The following SPOCK3 variants were observed in gnomAD, a reference collection of about 807,000 sequenced individuals.
The protein encoded by SPOCK3 is SPARC (osteonectin), cwcv and kazal like domains proteoglycan 3.
A neutral mutation model predicts 56.6 loss-of-function variants in SPOCK3; 30 were observed. That is an observed-to-expected ratio of 0.53 (90% CI 0.40 to 0.72). The LOEUF is 0.72. SPOCK3 is among the 30% of genes least tolerant of loss of function. The pLI is 0.00. For synonymous variants in SPOCK3, 196 were observed against 183.3 expected (o/e 1.07, Z -0.56); for missense variants, 527 against 530.0 (o/e 0.99, Z 0.06).
At chr4:167,076,058 G>A (rs1473083354) in intron 2 of SPOCK3, among the ~76,000 whole-genome samples, 1 of 151,912 alleles carries the variant, frequency 6.6e-6, no homozygotes, top group Non-Finnish European at 1.5e-5. Flanking sequence ...TATGAAGGCT[G>A]TATACTGTAT....
intron 2 of SPOCK3, among the ~76,000 whole-genome samples, chr4:167,123,664 C>T (rs1220518799): frequency 6.6e-6 from 1 of 151,738 alleles, no homozygotes; most frequent in Non-Finnish European, 1.5e-5. Flanking sequence ...TGTCTGCAGA[C>T]TACAGTACTC....
chr4:166,816,587 T>C (rs1228016620), intron 6 of SPOCK3, among the ~76,000 whole-genome samples: 1 of 152,074 alleles, frequency 6.6e-6, no homozygotes, highest in Non-Finnish European at 1.5e-5. Flanking sequence ...AGACACATAA[T>C]ATCACTGTGT....
intron 6 of SPOCK3, among the ~76,000 whole-genome samples, chr4:166,795,158 T>A (rs1375801902): frequency 6.6e-6 from 1 of 152,198 alleles, no homozygotes. Context: ...GCTTCTTTTA[T>A]AACACCATCA....
At chr4:167,117,275 C>T (rs953406142) in intron 2 of SPOCK3, among the ~76,000 whole-genome samples, 3 of 152,074 alleles carry the variant, frequency 2.0e-5, no homozygotes, top group African/African-American at 7.2e-5. Flanking sequence ...ACAATTTAAA[C>T]TGCCACTTGT....
At chr4:167,117,148 C>T (rs1761495927) in intron 2 of SPOCK3, among the ~76,000 whole-genome samples, 1 of 151,634 alleles carries the variant, frequency 6.6e-6, no homozygotes, top group Non-Finnish European at 1.5e-5. Flanking sequence ...CAAATTTGAT[C>T]ATTACACATT....
At chr4:167,119,547 C>T (rs1761699150) in intron 2 of SPOCK3, among the ~76,000 whole-genome samples, 1 of 152,100 alleles carries the variant, frequency 6.6e-6, no homozygotes, top group Non-Finnish European at 1.5e-5. Context: ...ACAAAATACT[C>T]ATCTCCAAAG....
At chr4:167,234,251 G>A (rs1346073030) in intron 1 of SPOCK3, 78 bp from the exon 2 acceptor site, 2 of 1,455,904 alleles carry the variant, frequency 1.4e-6, no homozygotes, top group East Asian at 2.3e-5. Flanking sequence ...AGCGACCCTG[G>A]AAAACATGCA....
At position 166,895,098 on chromosome 4, in the gene SPOCK3, G is replaced by C. The variant is rs6553317; in HGVS notation, c.475-5854C>G. Among the ~76,000 whole-genome samples the C allele has an allele frequency of 2.7e-3, 406 of 151,996 alleles. 10 individuals are homozygous for C. In the East Asian group the frequency reaches 0.061, roughly 23 times the overall value. On this transcript the variant is annotated intron_variant, in intron 5 of 10. Transcript: ENST00000357545. ...GTCATTCAAATCAAAATTCTTGTTT[G>C]AATTATTCCAGATTAATGTTGCTTT...
At chr4:167,118,179 T>C (rs1761586581) in intron 2 of SPOCK3, among the ~76,000 whole-genome samples, 1 of 152,178 alleles carries the variant, frequency 6.6e-6, no homozygotes, top group Non-Finnish European at 1.5e-5. Context: ...TTGAATGTGA[T>C]GTTTCTTTCT....
intron 3 of SPOCK3, among the ~76,000 whole-genome samples, chr4:167,049,827 A>T (rs1580123596): frequency 1.3e-5 from 2 of 152,134 alleles, no homozygotes; most frequent in South Asian, 2.1e-4. Context: ...CAAATGATTG[A>T]CCCTTTAGCT....
chr4:166,994,964 ATAGGGTGGTGG>A (rs1369947488), intron 4 of SPOCK3, among the ~76,000 whole-genome samples: 3 of 152,126 alleles, frequency 2.0e-5, no homozygotes, highest in African/African-American at 7.2e-5. Flanking sequence ...TTTTGAAAAT[ATAGGGTGGTGG>A]TAAGATAAGT....
intron 2 of SPOCK3, among the ~76,000 whole-genome samples, chr4:167,065,402 T>A (rs1458133548): frequency 2.0e-5 from 3 of 151,902 alleles, no homozygotes; most frequent in African/African-American, 7.2e-5. Context: ...AATATAATTT[T>A]AAAATCTAAC....
intron 6 of SPOCK3, among the ~76,000 whole-genome samples, chr4:166,794,692 G>A (rs1466565999): frequency 1.4e-5 from 2 of 146,182 alleles, no homozygotes; most frequent in African/African-American, 2.5e-5. Flanking sequence ...GCCCATGCTG[G>A]GATGCAGAGG....
At chr4:167,168,850 T>C (rs1311719101) in intron 2 of SPOCK3, among the ~76,000 whole-genome samples, 1 of 151,944 alleles carries the variant, frequency 6.6e-6, no homozygotes, top group African/African-American at 2.4e-5. Flanking sequence ...AAAAAAATGG[T>C]CTTGTGGGGC....
At chr4:166,952,280 A>G (rs898909422) in intron 4 of SPOCK3, among the ~76,000 whole-genome samples, 5 of 152,184 alleles carry the variant, frequency 3.3e-5, no homozygotes, top group Non-Finnish European at 7.3e-5. Context: ...GCATTCTTAT[A>G]CACCAATAAC....
At chr4:166,870,529 A>T (rs1732344543) in intron 6 of SPOCK3, among the ~76,000 whole-genome samples, 1 of 152,152 alleles carries the variant, frequency 6.6e-6, no homozygotes, top group South Asian at 2.1e-4. Context: ...CAAAAGAATA[A>T]AACTAGAAAT....
intron 4 of SPOCK3, among the ~76,000 whole-genome samples, chr4:166,993,105 G>C (rs1373781027): frequency 6.6e-6 from 1 of 152,074 alleles, no homozygotes; most frequent in Non-Finnish European, 1.5e-5. Flanking sequence ...TTACAAATCT[G>C]TTATACAGGC....
chr4:166,776,303 C>T (rs543622879), intron 7 of SPOCK3, among the ~76,000 whole-genome samples: 1 of 152,182 alleles, frequency 6.6e-6, no homozygotes, highest in South Asian at 2.1e-4. Flanking sequence ...GTCCCAGCTA[C>T]TCAGGAGGCT....
At chr4:166,913,445 C>T (rs1737492741) in intron 4 of SPOCK3, among the ~76,000 whole-genome samples, 1 of 151,850 alleles carries the variant, frequency 6.6e-6, no homozygotes, top group Admixed American at 6.6e-5. Context: ...AGGAAAATGG[C>T]TTGAAAGTTA....
Sources: allele counts gnomAD v4.1 joint callset (sites outside exome capture counted in the v4.1 genomes callset), GRCh38; gene constraint gnomAD v4.1.1; transcripts MANE v1.5; gene names NCBI Gene and HGNC (gene_info 2026-07-23, HGNC 2026-07-21).